Variants in PHF14 observed in about 807,000 individuals in gnomAD.
PHF14 encodes PHD finger protein 14.
In PHF14, 55 loss-of-function variants were observed where a neutral mutation model predicts 117.9. The ratio of observed to expected loss-of-function variants is 0.47; its 90% confidence interval spans 0.38 to 0.58. The LOEUF is 0.58. Among genes scored for constraint, PHF14 ranks in the 20% least tolerant of loss-of-function variants. The pLI is 0.00. For missense variants in PHF14, 978 were observed against 1,122.2 expected (o/e 0.87, Z 1.84); for synonymous variants, 409 against 368.6 (o/e 1.11, Z -1.26).
intron 13 of PHF14, among the ~76,000 whole-genome samples, chr7:11,050,787 A>G (rs1426510773): frequency 1.3e-5 from 2 of 152,170 alleles, no homozygotes; most frequent in Non-Finnish European, 2.9e-5. Flanking sequence ...AATTCCTTTG[A>G]TAAATAAATG....
At chr7:11,145,277 C>T (rs939744098) in intron 17 of PHF14, among the ~76,000 whole-genome samples, 20 of 62,220 alleles carry the variant, frequency 3.2e-4, no homozygotes, top group African/African-American at 1.3e-3. Flanking sequence ...TATGTCCTCA[C>T]TTGCTCTCTT....
intron 3 of PHF14, among the ~76,000 whole-genome samples, chr7:10,983,696 T>C (rs1782123116): frequency 6.6e-6 from 1 of 152,180 alleles, no homozygotes; most frequent in Non-Finnish European, 1.5e-5. Context: ...ATCTTTGCTT[T>C]ATGTGTATGG....
chr7:11,094,439 A>C (rs1786768125), intron 16 of PHF14, among the ~76,000 whole-genome samples: 1 of 152,034 alleles, frequency 6.6e-6, no homozygotes, highest in African/African-American at 2.4e-5. Flanking sequence ...ACATCTATTT[A>C]TCTCTCTGAT....
chr7:10,996,995 A>G (rs1469056884), intron 4 of PHF14, among the ~76,000 whole-genome samples: 3 of 152,222 alleles, frequency 2.0e-5, no homozygotes, highest in Admixed American at 1.3e-4. Context: ...TTAAGGCCTC[A>G]GGAATATTGA....
chr7:10,988,314 T>C (rs1195656759), intron 3 of PHF14, among the ~76,000 whole-genome samples: 2 of 152,158 alleles, frequency 1.3e-5, no homozygotes, highest in Non-Finnish European at 2.9e-5. Context: ...TTATGGTTTT[T>C]CTGAGCAAAA....
intron 17 of PHF14, among the ~76,000 whole-genome samples, chr7:11,132,150 C>T (rs1197020923): frequency 6.6e-6 from 1 of 151,706 alleles, no homozygotes; most frequent in African/African-American, 2.4e-5. Context: ...ATTCCAAATA[C>T]AGTACAATTG....
At chr7:11,025,919 C>T (rs964936998) in intron 6 of PHF14, among the ~76,000 whole-genome samples, 6 of 152,130 alleles carry the variant, frequency 3.9e-5, no homozygotes, top group African/African-American at 1.4e-4. Flanking sequence ...CGAGACCAGC[C>T]TGGCCAAAGT....
At chr7:10,996,284 A>T (rs1782643401) in intron 4 of PHF14, among the ~76,000 whole-genome samples, 1 of 152,202 alleles carries the variant, frequency 6.6e-6, no homozygotes, top group Non-Finnish European at 1.5e-5. Context: ...GTAGATAGTA[A>T]AAGTTTGGTT....
At chr7:10,995,546 G>A (rs751407908) in intron 4 of PHF14, among the ~76,000 whole-genome samples, 8 of 152,262 alleles carry the variant, frequency 5.3e-5, no homozygotes, top group Non-Finnish European at 1.0e-4. Flanking sequence ...CCCATGCCGT[G>A]TGCCCGCATT....
At chr7:11,067,101 A>G (rs1441352067) in intron 16 of PHF14, among the ~76,000 whole-genome samples, 1 of 152,170 alleles carries the variant, frequency 6.6e-6, no homozygotes, top group African/African-American at 2.4e-5. Context: ...TATATAAAGA[A>G]CTTGGACAAC....
At chr7:11,063,795 A>C (rs140120902) in intron 16 of PHF14, 1 of 532,500 alleles carries the variant, frequency 1.9e-6, no homozygotes, top group Non-Finnish European at 2.4e-6. Context: ...GCCATCTTCT[A>C]ATTTTGATAA....
intron 5 of PHF14, chr7:11,015,267 G>T (rs1223508082): frequency 6.6e-6 from 1 of 152,038 alleles, no homozygotes; most frequent in African/African-American, 2.4e-5. Flanking sequence ...TTGGTGGACT[G>T]ATCCTTGAGA....
At chr7:11,018,868 G>A (rs559210993) in intron 5 of PHF14, among the ~76,000 whole-genome samples, 1 of 152,244 alleles carries the variant, frequency 6.6e-6, no homozygotes, top group East Asian at 1.9e-4. Flanking sequence ...TACGATACTA[G>A]CTGTGGGTCT....
chr7:11,152,268 G>A (rs1788723163), intron 17 of PHF14, among the ~76,000 whole-genome samples: 1 of 152,074 alleles, frequency 6.6e-6, no homozygotes, highest in Non-Finnish European at 1.5e-5. Context: ...ATATTGAAAA[G>A]GGAATACTTT....
Position 11,047,961 on chromosome 7 carries a change from G to C in PHF14, c.2313-3651G>C, listed in dbSNP as rs565472383. Among the ~76,000 whole-genome samples the C allele has an allele frequency of 1.8e-4, 19 of 104,116 alleles. No homozygotes were observed. In the East Asian group the frequency reaches 3.4e-3, roughly 19 times the overall value. 68.3% of individuals were successfully genotyped at this position (104,116 alleles called of 152,430 possible). A position where few individuals can be genotyped will look rare whatever the true frequency, so the allele number is the denominator to read the frequency against. ...GGAGGGAGAGGGAGGGAGGGGGAGGGAGGAAGGGAAAAGAGAAAAACCTCT... is the reference window on the plus strand; with the variant it reads ...GGAGGGAGAGGGAGGGAGGGGGAGGCAGGAAGGGAAAAGAGAAAAACCTCT... On this transcript the variant is annotated intron_variant, in intron 13 of 17. Coordinates refer to ENST00000634607, the MANE Select transcript of PHF14 (RefSeq NM_001007157.2).
chr7:11,109,621 T>C (rs1053175485), intron 16 of PHF14: 1 of 151,898 alleles, frequency 6.6e-6, no homozygotes, highest in Non-Finnish European at 1.5e-5. Flanking sequence ...AAGGTAAATA[T>C]GTTGTACTGA....
chr7:11,099,564 T>C (rs1228135960), intron 16 of PHF14, among the ~76,000 whole-genome samples: 5 of 152,130 alleles, frequency 3.3e-5, no homozygotes, highest in Non-Finnish European at 7.4e-5. Context: ...TTTTGCAGTT[T>C]TAATTTATCC....
chr7:11,006,915 C>T (rs1310494814), intron 4 of PHF14: 3 of 475,870 alleles, frequency 6.3e-6, no homozygotes, highest in Admixed American at 5.2e-5. Flanking sequence ...TGGCTCACAC[C>T]TTTAATCCCA....
chr7:11,076,481 ATATTT>A (rs1252086913), intron 16 of PHF14, among the ~76,000 whole-genome samples: 1 of 149,462 alleles, frequency 6.7e-6, no homozygotes, highest in Non-Finnish European at 1.5e-5. Context: ...TGGATTTTTT[ATATTT>A]TATTTTGAAT....
Sources: allele counts gnomAD v4.1 joint callset (sites outside exome capture counted in the v4.1 genomes callset), GRCh38; gene constraint gnomAD v4.1.1; transcripts MANE v1.5; gene names NCBI Gene and HGNC (gene_info 2026-07-23, HGNC 2026-07-21).